Variants in NRXN3 observed in about 807,000 individuals in gnomAD.
NRXN3 encodes neurexin 3.
Under a neutral mutation model 137.6 loss-of-function variants are expected in NRXN3, and 32 were observed. The ratio of observed to expected loss-of-function variants is 0.23; its 90% CI spans 0.18 to 0.31. NRXN3 has a LOEUF of 0.31. NRXN3 is among the 10% of genes least tolerant of loss of function. The probability of loss-of-function intolerance (pLI) is 1.00; values close to 1 mark genes in which losing one functional copy is unlikely to be tolerated. For synonymous variants in NRXN3, 798 were observed against 784.5 expected, an observed-to-expected ratio of 1.02 and a Z score of -0.29; for missense variants, 1,574 against 2,062.5, an observed-to-expected ratio of 0.76 and a Z score of 4.59.
intron 15 of NRXN3, among the ~76,000 whole-genome samples, chr14:79,254,196 A>G (rs2076292601): frequency 6.6e-6 from 1 of 152,206 alleles, no homozygotes; most frequent in South Asian, 2.1e-4. Context: ...CCTTTCTCAG[A>G]GAAGAGATTG....
intron 1 of NRXN3, among the ~76,000 whole-genome samples, chr14:78,199,042 C>A (rs747694183): frequency 2.6e-5 from 4 of 152,252 alleles, no homozygotes; most frequent in Middle Eastern, 3.4e-3. Flanking sequence ...GGCAGAAATG[C>A]GAAAAGTGTT....
chr14:79,726,796 T>C (rs2098892432), intron 19 of NRXN3, among the ~76,000 whole-genome samples: 1 of 152,240 alleles, frequency 6.6e-6, no homozygotes, highest in South Asian at 2.1e-4. Context: ...TAAACTACAT[T>C]TTTGTTGTTC....
intron 1 of NRXN3, among the ~76,000 whole-genome samples, chr14:78,235,566 C>G (rs976377169): frequency 2.7e-5 from 4 of 149,276 alleles, no homozygotes; most frequent in African/African-American, 9.9e-5. Flanking sequence ...GACATGACTT[C>G]TTAGTTCTTG....
At chr14:79,568,406 G>A (rs1010336236) in intron 16 of NRXN3, among the ~76,000 whole-genome samples, 3 of 152,122 alleles carry the variant, frequency 2.0e-5, no homozygotes, top group African/African-American at 7.2e-5. Flanking sequence ...TGAACACAGT[G>A]CTTAGAACTT....
intron 16 of NRXN3, among the ~76,000 whole-genome samples, chr14:79,651,583 A>T (rs978179891): frequency 2.6e-5 from 4 of 152,150 alleles, no homozygotes; most frequent in African/African-American, 9.7e-5. Context: ...AAATGAATCA[A>T]CACAAACTGA....
At chr14:78,562,957 T>A (rs1176420187) in intron 4 of NRXN3, among the ~76,000 whole-genome samples, 1 of 152,160 alleles carries the variant, frequency 6.6e-6, no homozygotes, top group Non-Finnish European at 1.5e-5. Context: ...TTTTTCCACT[T>A]TATGTGACTT....
At chr14:78,649,320 T>C (rs993670066) in intron 5 of NRXN3, 1 of 1,327,580 alleles carries the variant, frequency 7.5e-7, no homozygotes, top group African/African-American at 1.5e-5. Flanking sequence ...CTGGTAGATA[T>C]CATTCTTATT....
intron 8 of NRXN3, among the ~76,000 whole-genome samples, chr14:78,723,497 A>G (rs533397605): frequency 2.0e-4 from 30 of 152,222 alleles, no homozygotes; most frequent in Middle Eastern, 3.4e-3. Flanking sequence ...TCTTAGGAGG[A>G]GTGGGGAGGA....
Position 78,957,304 on chromosome 14 carries a change from C to T in NRXN3, c.2338C>T (p.Arg780Trp), listed in dbSNP as rs144412380. 7.5e-5 allele frequency: 121 copies of T among 1,613,788 alleles called. No homozygotes were observed. The highest frequency in any genetic ancestry group is 7.4e-5 in the Non-Finnish European group (87 of 1,179,840). The change falls in exon 11 of 21, where the codon CGG (arginine) becomes TGG (tryptophan). Residue 780 changes from arginine (R) to tryptophan (W), a missense_variant. Physicochemically the swap from Arg to Trp is moderately radical, Grantham distance 101. Transcript: ENST00000335750. ...KLNDNEWHTVRVVRRGKSLKL... is the reference protein window; with the variant it reads ...KLNDNEWHTVWVVRRGKSLKL... ...CAATGACAACGAGTGGCACACCGTT[C>T]GGGTGGTGCGGAGAGGAAAAAGCCT...
intron 15 of NRXN3, among the ~76,000 whole-genome samples, chr14:79,368,287 G>A (rs2093971831): frequency 6.6e-6 from 1 of 152,140 alleles, no homozygotes; most frequent in African/African-American, 2.4e-5. Context: ...GAGGATTGGG[G>A]CAGACTATTT....
intron 15 of NRXN3, among the ~76,000 whole-genome samples, chr14:79,204,059 G>A (rs2066445786): frequency 6.6e-6 from 1 of 152,026 alleles, no homozygotes; most frequent in South Asian, 2.1e-4. Context: ...GACAGTGCCA[G>A]CCAGTGCCAA....
intron 15 of NRXN3, among the ~76,000 whole-genome samples, chr14:79,260,788 A>G (rs2077475776): frequency 6.6e-6 from 1 of 152,116 alleles, no homozygotes; most frequent in Non-Finnish European, 1.5e-5. Context: ...TCTTTCCAGA[A>G]CTCAAACACC....
chr14:79,227,789 C>CA (rs1293819706), intron 15 of NRXN3, among the ~76,000 whole-genome samples: 6 of 77,920 alleles, frequency 7.7e-5, no homozygotes, highest in Non-Finnish European at 1.5e-4. Context: ...TTCCTTCCCT[C>CA]CTCCCTTCCT....
intron 4 of NRXN3, among the ~76,000 whole-genome samples, chr14:78,503,457 G>A (rs550352363): frequency 6.6e-6 from 1 of 152,256 alleles, no homozygotes; most frequent in East Asian, 1.9e-4. Flanking sequence ...GCTTCAGAGA[G>A]GTCTGGTAGG....
chr14:79,134,225 C>A (rs1161844990), intron 15 of NRXN3, among the ~76,000 whole-genome samples: 4 of 152,214 alleles, frequency 2.6e-5, no homozygotes, highest in Non-Finnish European at 5.9e-5. Context: ...TCTCAGCAGG[C>A]AGAAAGGGTA....
intron 15 of NRXN3, among the ~76,000 whole-genome samples, chr14:79,385,248 C>G (rs192323887): frequency 0.015 from 2,122 of 137,802 alleles, 23 homozygotes; most frequent in Non-Finnish European, 0.024. Flanking sequence ...TGTGATATTC[C>G]CCTTCCTGTG....
At chr14:79,706,246 C>T (rs527948992) in intron 19 of NRXN3, among the ~76,000 whole-genome samples, 2 of 152,276 alleles carry the variant, frequency 1.3e-5, no homozygotes, top group Admixed American at 1.3e-4. Context: ...AATTCTAGCA[C>T]GTATAGTTTT....
At chr14:78,908,255 A>G (rs1208195627) in intron 10 of NRXN3, among the ~76,000 whole-genome samples, 2 of 152,196 alleles carry the variant, frequency 1.3e-5, no homozygotes. Context: ...AGAAACAAGT[A>G]GTGTAGAGTT....
At chr14:79,499,547 GAA>G (rs2153669607) in intron 16 of NRXN3, among the ~76,000 whole-genome samples, 1 of 152,304 alleles carries the variant, frequency 6.6e-6, no homozygotes, top group South Asian at 2.1e-4. Flanking sequence ...ACTTTTGAAT[GAA>G]AGTATCAAGG....
Sources: gnomAD v4.1 joint callset for allele counts (sites outside exome capture counted in the v4.1 genomes callset) on GRCh38, gnomAD v4.1.1 for gene constraint, MANE v1.5 for transcripts, NCBI Gene and HGNC (gene_info 2026-07-23, HGNC 2026-07-21) for gene names.